The following VAC14 variants were observed in gnomAD, a reference collection of about 807,000 sequenced individuals.
VAC14 encodes protein VAC14 homolog.
A neutral mutation model predicts 85.3 loss-of-function variants in VAC14; 47 were observed. That is an observed-to-expected ratio of 0.55 (90% confidence interval 0.44 to 0.70). VAC14 has a LOEUF of 0.70. Ranked by LOEUF, VAC14 falls within the 30% of genes least tolerant of loss-of-function variation. VAC14 has a pLI of 0.00. For missense variants in VAC14, 861 were observed against 1,004.3 expected, an observed-to-expected ratio of 0.86 and a Z score of 1.93; for synonymous variants, 447 against 430.5, an observed-to-expected ratio of 1.04 and a Z score of -0.47.
intron 13 of VAC14, among the ~76,000 whole-genome samples, chr16:70,738,284 G>A (rs12449025): frequency 0.62 from 94,621 of 152,048 alleles, 32,413 homozygotes; most frequent in Admixed American, 0.76. Context: ...AAAGGCCGCC[G>A]CAATGGCACC....
chr16:70,797,842 G>A (rs1345837716), intron 1 of VAC14, among the ~76,000 whole-genome samples: 4 of 152,136 alleles, frequency 2.6e-5, no homozygotes, highest in Non-Finnish European at 5.9e-5. Context: ...TTTTGCTCCT[G>A]CTCCCGCCAT....
At chr16:70,797,229 G>C (rs915719940) in intron 1 of VAC14, among the ~76,000 whole-genome samples, 24 of 152,166 alleles carry the variant, frequency 1.6e-4, no homozygotes, top group Non-Finnish European at 2.6e-4. Flanking sequence ...TCCTTGGCTG[G>C]TGGTTCCCTT....
intron 1 of VAC14, 46 bp from the exon 2 acceptor site, chr16:70,786,411 CT>C: frequency 1.3e-6 from 2 of 1,597,250 alleles, no homozygotes; most frequent in Non-Finnish European, 8.6e-7. Context: ...GCTACCTCTG[CT>C]GTGGCCTCCA....
intron 12 of VAC14, chr16:70,761,221 C>T (rs1455914731): frequency 2.2e-6 from 1 of 455,462 alleles, no homozygotes; most frequent in Non-Finnish European, 4.4e-6. Context: ...CTGGCACCAG[C>T]CCAGGGAAGA....
chr16:70,698,379 C>A (rs9673512), intron 15 of VAC14, among the ~76,000 whole-genome samples: 8,453 of 152,272 alleles, frequency 0.056, 254 homozygotes, highest in East Asian at 0.092. Flanking sequence ...AAAGGCAGGG[C>A]TGCTGGGGGG....
chr16:70,743,009 G>A (rs1418473914), intron 13 of VAC14, among the ~76,000 whole-genome samples: 1 of 151,728 alleles, frequency 6.6e-6, no homozygotes, highest in Non-Finnish European at 1.5e-5. Flanking sequence ...GACTGTAAAT[G>A]CACCAATCAG....
intron 10 of VAC14, chr16:70,770,038 G>C (rs2033100097): frequency 6.6e-6 from 1 of 152,322 alleles, no homozygotes; most frequent in South Asian, 2.1e-4. Context: ...CCGAGTTCCA[G>C]GACCCAGTAC....
In VAC14 at chr16:70,775,932, T is replaced by C. The variant is rs114935981; in HGVS notation, c.1097-3760A>G. Among the ~76,000 whole-genome samples, 519 of 152,330 alleles carry C rather than the reference T, an allele frequency of 3.4e-3. 3 individuals carry two copies. The highest frequency in any genetic ancestry group is 0.012 in the African/African-American group (482 of 41,576). On this transcript the variant is annotated intron_variant, in intron 9 of 18. Coordinates refer to ENST00000261776, the MANE Select transcript of VAC14 (RefSeq NM_018052.5). ...TTAATAGGTATTGTCCTTTAGGTTC[T>C]ACCAATTTATGTGTATTTCCAAATT...
chr16:70,796,278 A>C (rs2034541877), intron 1 of VAC14, among the ~76,000 whole-genome samples: 1 of 152,124 alleles, frequency 6.6e-6, no homozygotes, highest in Non-Finnish European at 1.5e-5. Flanking sequence ...TGAGGCAAGC[A>C]TCCATCTCTG....
chr16:70,692,781 G>A (rs1460874536), intron 18 of VAC14, 40 bp downstream of exon 18: 1 of 1,576,202 alleles, frequency 6.3e-7, no homozygotes, highest in Non-Finnish European at 8.6e-7. Flanking sequence ...GCCTGTCCCT[G>A]CTCAGGGGGC....
chr16:70,791,059 G>C (rs1434960093), intron 1 of VAC14, among the ~76,000 whole-genome samples: 2 of 152,194 alleles, frequency 1.3e-5, no homozygotes, highest in Non-Finnish European at 1.5e-5. Flanking sequence ...GCAAAACAGG[G>C]CCAGGCCGAC....
intron 7 of VAC14, among the ~76,000 whole-genome samples, chr16:70,782,454 C>T (rs964300144): frequency 1.3e-5 from 2 of 152,204 alleles, no homozygotes; most frequent in Non-Finnish European, 1.5e-5. Flanking sequence ...GCCTGCTGGA[C>T]GATGAGACAT....
chr16:70,729,680 A>C (rs2054533411), intron 14 of VAC14, among the ~76,000 whole-genome samples: 1 of 151,682 alleles, frequency 6.6e-6, no homozygotes, highest in Non-Finnish European at 1.5e-5. Context: ...CCCAACCATT[A>C]CAGTCTGGAA....
rs911605281 is a variant in VAC14 at position 70,762,741 on chromosome 16, C to T, written c.1306-136G>A. 8.0e-6 allele frequency: 12 copies of T among 1,497,662 alleles called. No homozygotes were observed. The African/African-American group carries it at 9.7e-5, about 12-fold the overall frequency. The allele number at this position is 1,497,662 out of a possible 1,614,324, so 92.8% of individuals were successfully genotyped here. ...TCCCTCCCCGACACAATGAGGGCTC[C>T]TCGCAGCACCTGTCACTTCTCTGCC... On this transcript the variant is annotated intron_variant, in intron 11 of 18. Coordinates refer to ENST00000261776, the MANE Select transcript of VAC14 (RefSeq NM_018052.5). This position sits in a 1 kb window ranked among gnomAD's most constrained non-coding sequence, Gnocchi z 4.1.
chr16:70,762,551 C>T lies in VAC14; in HGVS notation c.1360G>A (p.Glu454Lys). The change falls in exon 12 of 19, where the codon GAA (glutamate) becomes AAA (lysine). Residue 454 changes from glutamate (E) to lysine (K), a missense_variant. Physicochemically the swap from Glu to Lys is moderately conservative, Grantham distance 56. Coordinates refer to ENST00000261776, the MANE Select transcript of VAC14 (RefSeq NM_018052.5). The surrounding 1 kb of genome is among the most constrained non-coding windows in gnomAD (Gnocchi z 4.1). ...FPILLQTLSD[E>K]SDEVILKDLE... ...CGTTGGTGACCTACCTCATCCGATT[C>T]ATCCGATAACGTCTGCAGTAGGATG... 1 of 1,614,132 alleles carries T rather than the reference C, an allele frequency of 6.2e-7. No individual in the cohort carries two copies. Among genetic ancestry groups the T allele is most frequent in the South Asian group, 1.1e-5 (1 of 91,054 alleles).
At chr16:70,706,920 G>T (rs1465321031) in intron 14 of VAC14, among the ~76,000 whole-genome samples, 1 of 152,168 alleles carries the variant, frequency 6.6e-6, no homozygotes, top group African/African-American at 2.4e-5. Context: ...TAAATCTGAG[G>T]TGCAACCTAA....
At chr16:70,726,847 C>T (rs904481095) in intron 14 of VAC14, among the ~76,000 whole-genome samples, 3 of 152,198 alleles carry the variant, frequency 2.0e-5, no homozygotes, top group Non-Finnish European at 2.9e-5. Flanking sequence ...GCATCTCAAC[C>T]GTTATGTCCA....
At chr16:70,690,598 C>T in intron 18 of VAC14, 1 of 985,482 alleles carries the variant, frequency 1.0e-6, no homozygotes, top group Non-Finnish European at 1.2e-6. Flanking sequence ...GCACTTGGAG[C>T]ACACAGAACC....
intron 14 of VAC14, among the ~76,000 whole-genome samples, chr16:70,720,616 G>A (rs973791435): frequency 1.4e-4 from 22 of 152,362 alleles, no homozygotes; most frequent in Admixed American, 3.3e-4. Context: ...AGAGGGAAAG[G>A]AGTGGATATG....
Sources: allele counts gnomAD v4.1 joint callset (sites outside exome capture counted in the v4.1 genomes callset), GRCh38; gene constraint gnomAD v4.1.1; non-coding constraint Gnocchi (gnomAD v3.1); transcripts MANE v1.5; gene names NCBI Gene and HGNC (gene_info 2026-07-23, HGNC 2026-07-21).